DGKD: variants seen among roughly 807,000 people sequenced by gnomAD.
DGKD encodes the protein DAG kinase delta.
A neutral mutation model predicts 154.4 loss-of-function variants in DGKD; 68 were observed. The ratio of observed to expected loss-of-function variants is 0.44; its 90% CI spans 0.36 to 0.54. The LOEUF is 0.54. Among genes scored for constraint, DGKD ranks in the 20% least tolerant of loss-of-function variants. The pLI, the probability that DGKD is intolerant of heterozygous loss-of-function variation, is 0.00. For synonymous variants in DGKD, 693 were observed against 638.0 expected (o/e 1.09, Z -1.30); for missense variants, 1,343 against 1,593.6 (o/e 0.84, Z 2.68).
At chr2:233,417,351 A>G (rs778876735) in intron 3 of DGKD, among the ~76,000 whole-genome samples, 4 of 152,136 alleles carry the variant, frequency 2.6e-5, no homozygotes, top group African/African-American at 7.2e-5. Context: ...GCATTTTTTA[A>G]AAGGTGCAGT....
At chr2:233,362,683 T>G (rs1003812292) in intron 1 of DGKD, among the ~76,000 whole-genome samples, 1 of 152,116 alleles carries the variant, frequency 6.6e-6, no homozygotes, top group African/African-American at 2.4e-5. Flanking sequence ...AAGTAATACC[T>G]GAGAATTTTC....
chr2:233,403,632 T>C (rs1051858885), intron 3 of DGKD, among the ~76,000 whole-genome samples: 1 of 152,002 alleles, frequency 6.6e-6, no homozygotes, highest in African/African-American at 2.4e-5. Context: ...TCTTTTTTCA[T>C]GTTTCTCTTC....
Position 233,462,478 on chromosome 2 carries a change from T to C in DGKD, c.3093+19T>C. 1 of 1,586,582 alleles carries C rather than the reference T, an allele frequency of 6.3e-7. No homozygotes were observed. The highest frequency in any genetic ancestry group is 1.1e-5 in the South Asian group (1 of 90,240). ...CACAGAGGTAGCTATTCTGGCCTTT[T>C]CAGTCCTGGCTTCTTCTCAGTGTCT... On this transcript the variant is annotated intron_variant, in intron 25 of 29. Coordinates refer to ENST00000264057, the MANE Select transcript of DGKD (RefSeq NM_152879.3).
chr2:233,373,564 A>G (rs6722763), intron 1 of DGKD, among the ~76,000 whole-genome samples: 35,720 of 152,142 alleles, frequency 0.23, 5,189 homozygotes, highest in African/African-American at 0.42. Context: ...AGCTGAAACG[A>G]TACTGTTGGA....
chr2:233,389,537 G>A (rs553219044), intron 2 of DGKD, among the ~76,000 whole-genome samples: 1 of 150,394 alleles, frequency 6.6e-6, no homozygotes, highest in Non-Finnish European at 1.5e-5. Flanking sequence ...GAACAAAGCA[G>A]CTTGTTTAGA....
intron 17 of DGKD, 94 bp from the exon 18 acceptor site, chr2:233,451,870 G>A (rs2124882619): frequency 9.7e-7 from 1 of 1,035,516 alleles, no homozygotes; most frequent in South Asian, 1.4e-5. Flanking sequence ...ATAACGTTCT[G>A]CAGAATACCG....
At chr2:233,461,919 A>G (rs2063657957) in intron 24 of DGKD, among the ~76,000 whole-genome samples, 1 of 152,204 alleles carries the variant, frequency 6.6e-6, no homozygotes, top group Non-Finnish European at 1.5e-5. Context: ...CCATCACTGC[A>G]CCAGGATTGT....
chr2:233,437,021 A>G (rs1253587175), intron 7 of DGKD, among the ~76,000 whole-genome samples: 1 of 151,904 alleles, frequency 6.6e-6, no homozygotes, highest in African/African-American at 2.4e-5. Flanking sequence ...GGAAGCCAAG[A>G]CACAGGGGAC....
intron 3 of DGKD, among the ~76,000 whole-genome samples, chr2:233,409,229 T>C (rs967539975): frequency 2.6e-5 from 4 of 152,266 alleles, no homozygotes; most frequent in African/African-American, 9.6e-5. Flanking sequence ...TTAACACTTG[T>C]TATACTTGTT....
At chr2:233,387,586 C>T (rs1026401111) in intron 1 of DGKD, among the ~76,000 whole-genome samples, 2 of 152,154 alleles carry the variant, frequency 1.3e-5, no homozygotes, top group African/African-American at 2.4e-5. Context: ...TTTAATTGAG[C>T]CAAGATGAGT....
In DGKD at chr2:233,462,773, T is replaced by C. The variant is rs539114195; in HGVS notation, c.3186+38T>C. ...CCCAGGGACAGCAGGGCTCGGGCTG[T>C]GTGTGAAACGACTGCTGTCGCCAGG... On this transcript the variant is annotated intron_variant, in intron 26 of 29. Transcript: ENST00000264057. The C allele has an allele frequency of 8.9e-6, 14 of 1,578,230 alleles. No individual in the cohort carries two copies. In the East Asian group the frequency reaches 2.9e-4, roughly 33 times the overall value.
intron 1 of DGKD, among the ~76,000 whole-genome samples, chr2:233,379,030 C>A (rs1014652479): frequency 6.6e-6 from 1 of 152,134 alleles, no homozygotes; most frequent in Non-Finnish European, 1.5e-5. Context: ...GAACCTGTTT[C>A]AAAACAAAAA....
intron 16 of DGKD, 53 bp from the exon 17 acceptor site, chr2:233,450,869 T>C (rs2063261302): frequency 1.5e-5 from 23 of 1,560,874 alleles, no homozygotes; most frequent in Non-Finnish European, 1.9e-5. Context: ...CCCCCCAGGA[T>C]TTCACAGTCT....
chr2:233,391,037 C>T (rs1703571259), intron 3 of DGKD, among the ~76,000 whole-genome samples: 1 of 152,156 alleles, frequency 6.6e-6, no homozygotes. Context: ...TTTGCTGGTT[C>T]ACATCTTACT....
chr2:233,426,318 G>A (rs917985638), intron 3 of DGKD, among the ~76,000 whole-genome samples: 1 of 152,126 alleles, frequency 6.6e-6, no homozygotes, highest in Admixed American at 6.5e-5. Context: ...ATGTGGTTAT[G>A]TGTTTTTGAG....
At chr2:233,450,755 C>T (rs2063252830) in intron 16 of DGKD, among the ~76,000 whole-genome samples, 167 bp from the exon 17 acceptor site, 1 of 152,184 alleles carries the variant, frequency 6.6e-6, no homozygotes, top group African/African-American at 2.4e-5. Context: ...CATGTGCACC[C>T]ACTCGGTCCT....
intron 1 of DGKD, among the ~76,000 whole-genome samples, chr2:233,356,239 C>G (rs114751823): frequency 6.6e-6 from 1 of 152,196 alleles, no homozygotes; most frequent in Non-Finnish European, 1.5e-5. Flanking sequence ...GCGAAATGAT[C>G]AGAAGTTGGG....
At chr2:233,460,116 T>TTG in intron 23 of DGKD, 78 bp from the exon 24 acceptor site, 1 of 1,550,674 alleles carries the variant, frequency 6.4e-7, no homozygotes, top group Non-Finnish European at 8.7e-7. Context: ...TGTGATCTCG[T>TTG]TGGCATCCCC....
rs114326732 is a variant in DGKD, at chr2:233,448,416, C to T, written c.1614+41C>T. On this transcript the variant is annotated intron_variant, in intron 14 of 29. Transcript: ENST00000264057. ...CTGGGTGGGAGGGGCATTGAGGCAG[C>T]GAGAAGCTTGCTCTGTCACCAGCAG... 6.4e-4 allele frequency: 1,006 copies of T among 1,584,222 alleles called. 9 individuals are homozygous for T. In the African/African-American group the frequency reaches 0.011, roughly 18 times the overall value.
Sources: allele counts gnomAD v4.1 joint callset (sites outside exome capture counted in the v4.1 genomes callset), GRCh38; gene constraint gnomAD v4.1.1; transcripts MANE v1.5; gene names NCBI Gene and HGNC (gene_info 2026-07-23, HGNC 2026-07-21).